ZNF516: variants seen among roughly 807,000 people sequenced by gnomAD.
The protein encoded by ZNF516 is zinc finger protein 516.
ZNF516 carries 19 observed loss-of-function variants against 79.7 expected under a neutral mutation model. That is an observed-to-expected ratio of 0.24 (90% CI 0.17 to 0.35). The LOEUF (loss-of-function observed/expected upper bound fraction) is 0.35. Ranked by LOEUF, ZNF516 falls within the 10% of genes least tolerant of loss-of-function variation. The pLI, the probability that ZNF516 is intolerant of heterozygous loss-of-function variation, is 1.00. For missense variants in ZNF516, 1,678 were observed against 1,679.5 expected, an observed-to-expected ratio of 1.00 and a Z score of 0.02; for synonymous variants, 877 against 739.5, an observed-to-expected ratio of 1.19 and a Z score of -3.02.
intron 1 of ZNF516, among the ~76,000 whole-genome samples, chr18:76,480,159 TAAAAAAA>T (rs539724418): frequency 2.7e-5 from 3 of 109,206 alleles, no homozygotes; most frequent in East Asian, 2.7e-4. Flanking sequence ...AGATTTTGTG[TAAAAAAA>T]AAAAAAAAAA....
chr18:76,396,703 A>G (rs1260424484), intron 3 of ZNF516, among the ~76,000 whole-genome samples: 3 of 152,106 alleles, frequency 2.0e-5, no homozygotes, highest in African/African-American at 4.8e-5. Context: ...ATCTGGGGGG[A>G]AAAACAGCCC....
intron 1 of ZNF516, among the ~76,000 whole-genome samples, chr18:76,475,502 G>T (rs1914122110): frequency 6.6e-6 from 1 of 152,174 alleles, no homozygotes; most frequent in Non-Finnish European, 1.5e-5. Context: ...TTATCCTAGA[G>T]AAATATTCCC....
In ZNF516 at chr18:76,459,781, G is replaced by A. The variant is rs1054554075; in HGVS notation, c.-158+3247C>T. ...CCCATCACAACGCGGGAGGATTCAG[G>A]GCCAACTGCAGGCCCCCGGAGACGA... On this transcript the variant is annotated intron_variant, in intron 2 of 6. Coordinates refer to ENST00000443185, the MANE Select transcript of ZNF516 (RefSeq NM_014643.4). The surrounding 1 kb of genome is among the most constrained non-coding windows in gnomAD (Gnocchi z 5.0). Among the ~76,000 whole-genome samples, 1 of 152,176 alleles carries A rather than the reference G, an allele frequency of 6.6e-6. No individual in the cohort carries two copies. The highest frequency in any genetic ancestry group is 6.5e-5 in the Admixed American group (1 of 15,282).
intron 2 of ZNF516, among the ~76,000 whole-genome samples, chr18:76,448,773 G>C (rs1218450374): frequency 6.6e-6 from 1 of 152,112 alleles, no homozygotes; most frequent in African/African-American, 2.4e-5. Flanking sequence ...CGTATCAGGA[G>C]CCAGAGAATC....
intron 3 of ZNF516, among the ~76,000 whole-genome samples, chr18:76,380,973 A>C (rs2074882363): frequency 6.6e-6 from 1 of 152,242 alleles, no homozygotes; most frequent in Admixed American, 6.5e-5. Flanking sequence ...ATCCACCTCC[A>C]TGCCGCCACC....
chr18:76,395,369 A>T (rs746258490), intron 3 of ZNF516, among the ~76,000 whole-genome samples: 6 of 152,296 alleles, frequency 3.9e-5, no homozygotes, highest in Non-Finnish European at 7.4e-5. Flanking sequence ...TGGGAGAGAG[A>T]CCATCAACAA....
intron 3 of ZNF516, among the ~76,000 whole-genome samples, chr18:76,436,481 C>T (rs1568289235): frequency 6.6e-6 from 1 of 152,178 alleles, no homozygotes; most frequent in African/African-American, 2.4e-5. Flanking sequence ...CCTCCCAACC[C>T]ATGACTTGGC....
chr18:76,491,668 GCC>G, intron 1 of ZNF516: 1 of 558,196 alleles, frequency 1.8e-6, no homozygotes, highest in Non-Finnish European at 2.2e-6. Flanking sequence ...AGCGGCCACC[GCC>G]CCCACCCCGG....
chr18:76,359,124 G>C lies in ZNF516; in HGVS notation c.*3374C>G, dbSNP rs1357293997. ...ATCAGGGGTGGGGGCCTGTCATACT[G>C]GGCGCTCCTTTCTCTGACGAAGTAA... On this transcript the variant is annotated 3_prime_UTR_variant, in exon 7 of 7. Transcript: ENST00000443185. 2 of 152,218 alleles carry C rather than the reference G, an allele frequency of 1.3e-5. No homozygotes were observed. Among genetic ancestry groups the C allele is most frequent in the Non-Finnish European group, 2.9e-5 (2 of 68,064 alleles). The allele number at this position is 152,218 out of a possible 1,614,324, so 9.4% of individuals were successfully genotyped here. A position where few individuals can be genotyped will look rare whatever the true frequency, so the allele number is the denominator to read the frequency against.
intron 4 of ZNF516, among the ~76,000 whole-genome samples, chr18:76,376,617 C>T (rs2074790998): frequency 6.6e-6 from 1 of 151,712 alleles, no homozygotes; most frequent in African/African-American, 2.4e-5. Flanking sequence ...CTATTTTGGA[C>T]TTCAAATTCT....
chr18:76,475,256 A>G (rs1045997641), intron 1 of ZNF516, among the ~76,000 whole-genome samples: 73 of 152,248 alleles, frequency 4.8e-4, no homozygotes, highest in African/African-American at 1.5e-3. Flanking sequence ...CAAGAGAGAT[A>G]AAATGAGCAA....
intron 1 of ZNF516, among the ~76,000 whole-genome samples, chr18:76,468,379 CTGTTTTT>C (rs768554156): frequency 2.8e-4 from 39 of 139,988 alleles, no homozygotes; most frequent in East Asian, 1.4e-3. Context: ...AGGTTTTTTG[CTGTTTTT>C]TGTTTTTTGT....
chr18:76,492,530 A>G, intron 1 of ZNF516: 1 of 350,402 alleles, frequency 2.9e-6, no homozygotes, highest in Non-Finnish European at 4.0e-6. Flanking sequence ...TCACATGTGA[A>G]GTTGGAAGAC....
At position 76,424,823 on chromosome 18, in the gene ZNF516, CGCA is replaced by C. The variant is rs529796250; in HGVS notation, c.1810+16419_1810+16421del. On this transcript the variant is annotated intron_variant, in intron 3 of 6. Transcript: ENST00000443185. ...GGTGAAAAGGCTCCCCCGAAACACA[CGCA>C]GGTGAAAAGGCTCCCCCATGAAACA... Among the ~76,000 whole-genome samples, 182 of 136,504 alleles carry C rather than the reference CGCA, an allele frequency of 1.3e-3. 1 individual carries two copies. The highest frequency in any genetic ancestry group is 5.0e-3 in the African/African-American group (177 of 35,226). 89.6% of individuals were successfully genotyped at this position (136,504 alleles called of 152,430 possible).
intron 6 of ZNF516, among the ~76,000 whole-genome samples, chr18:76,368,183 T>C (rs1422353212): frequency 1.3e-5 from 2 of 152,204 alleles, no homozygotes; most frequent in Non-Finnish European, 2.9e-5. Flanking sequence ...CTGTAAACAA[T>C]GAGAATTATA....
At chr18:76,390,646 A>G (rs551843331) in intron 3 of ZNF516, among the ~76,000 whole-genome samples, 1 of 152,200 alleles carries the variant, frequency 6.6e-6, no homozygotes, top group South Asian at 2.1e-4. Context: ...AGGGGCACAG[A>G]GCAACCCGGG....
chr18:76,455,780 C>T lies in ZNF516; in HGVS notation c.-158+7248G>A, dbSNP rs192436613. On this transcript the variant is annotated intron_variant, in intron 2 of 6. Transcript: ENST00000443185. ...AGAGTCTGCACTTACACACGTGACA[C>T]GCTACACAGAGCTCTCCATGCACAA... is the stretch of plus-strand genomic sequence containing the variant. Among the ~76,000 whole-genome samples, 845 of 152,308 alleles carry T rather than the reference C, an allele frequency of 5.5e-3. 3 individuals carry two copies. The highest frequency in any genetic ancestry group is 8.7e-3 in the Non-Finnish European group (594 of 68,032).
At chr18:76,470,181 T>C (rs563027249) in intron 1 of ZNF516, among the ~76,000 whole-genome samples, 2 of 152,304 alleles carry the variant, frequency 1.3e-5, no homozygotes, top group South Asian at 2.1e-4. Context: ...CATTGGTGGA[T>C]TACCCGGCTT....
chr18:76,458,693 C>T (rs1017119555), intron 2 of ZNF516, among the ~76,000 whole-genome samples: 2 of 128,076 alleles, frequency 1.6e-5, no homozygotes, highest in Admixed American at 8.3e-5. Flanking sequence ...GCCTCACCGT[C>T]GTGTGTGCGT....
Sources: allele counts gnomAD v4.1 joint callset (sites outside exome capture counted in the v4.1 genomes callset), GRCh38; gene constraint gnomAD v4.1.1; non-coding constraint Gnocchi (gnomAD v3.1); transcripts MANE v1.5; gene names NCBI Gene and HGNC (gene_info 2026-07-23, HGNC 2026-07-21).